SRGAP3: variants seen among roughly 807,000 people sequenced by gnomAD.
The protein encoded by SRGAP3 is SLIT-ROBO Rho GTPase activating protein 3.
A neutral mutation model predicts 121.1 loss-of-function variants in SRGAP3; 39 were observed. The observed-to-expected ratio is 0.32, with a 90% CI of 0.25 to 0.42. The LOEUF (loss-of-function observed/expected upper bound fraction) is 0.42, where lower values mean the gene tolerates loss of function less well. Among genes scored for constraint, SRGAP3 ranks in the 10% least tolerant of loss-of-function variants. The pLI, the probability that SRGAP3 is intolerant of heterozygous loss-of-function variation, is 1.00. For synonymous variants in SRGAP3, 601 were observed against 570.0 expected, an observed-to-expected ratio of 1.05 and a Z score of -0.77; for missense variants, 1,213 against 1,470.6, an observed-to-expected ratio of 0.82 and a Z score of 2.86.
intron 1 of SRGAP3, among the ~76,000 whole-genome samples, chr3:9,339,055 A>G (rs777874899): frequency 1.3e-5 from 2 of 152,226 alleles, no homozygotes; most frequent in Non-Finnish European, 2.9e-5. Flanking sequence ...TAGCCCTGAA[A>G]TGACCCATGG....
chr3:9,284,589 A>G (rs1464056699), intron 3 of SRGAP3, among the ~76,000 whole-genome samples: 1 of 152,202 alleles, frequency 6.6e-6, no homozygotes, highest in African/African-American at 2.4e-5. Flanking sequence ...CCAACATTTT[A>G]GAAGGCTGAT....
intron 14 of SRGAP3, among the ~76,000 whole-genome samples, chr3:9,023,987 G>C (rs975479437): frequency 1.3e-5 from 2 of 152,198 alleles, no homozygotes; most frequent in African/African-American, 2.4e-5. Context: ...CTCCACCGCA[G>C]GATGGAATGG....
intron 2 of SRGAP3, among the ~76,000 whole-genome samples, chr3:9,326,675 T>C (rs1955524954): frequency 6.6e-6 from 1 of 151,796 alleles, no homozygotes; most frequent in Admixed American, 6.5e-5. Context: ...CACAGGTAAT[T>C]TGACTTAAGA....
At chr3:9,170,884 A>G (rs1486337497) in intron 1 of SRGAP3, among the ~76,000 whole-genome samples, 1 of 152,188 alleles carries the variant, frequency 6.6e-6, no homozygotes, top group Non-Finnish European at 1.5e-5. Flanking sequence ...TGGGGGAGCC[A>G]TGAAGAGGCC....
chr3:9,243,519 C>G (rs991516934), intron 1 of SRGAP3, among the ~76,000 whole-genome samples: 1 of 151,920 alleles, frequency 6.6e-6, no homozygotes. Flanking sequence ...CCTGTAATCT[C>G]AGCTACTTGG....
At chr3:9,192,939 G>A (rs1002481416) in intron 1 of SRGAP3, 4 of 155,092 alleles carry the variant, frequency 2.6e-5, no homozygotes, top group Non-Finnish European at 5.7e-5. Context: ...GGAGCTGAGG[G>A]AGGAGAGCTG....
intron 2 of SRGAP3, among the ~76,000 whole-genome samples, chr3:9,115,517 G>A (rs1466285385): frequency 6.6e-6 from 1 of 152,146 alleles, no homozygotes; most frequent in African/African-American, 2.4e-5. Context: ...GGATTCCAGG[G>A]AATTTGGTGT....
chr3:9,163,131 G>A (rs577839895), intron 1 of SRGAP3, among the ~76,000 whole-genome samples: 33 of 152,282 alleles, frequency 2.2e-4, no homozygotes, highest in African/African-American at 7.5e-4. Context: ...ATGAACAATC[G>A]CTGTTAACAT....
At chr3:9,143,701 C>A (rs1949935325) in intron 1 of SRGAP3, among the ~76,000 whole-genome samples, 1 of 152,094 alleles carries the variant, frequency 6.6e-6, no homozygotes, top group Admixed American at 6.5e-5. Context: ...ACAGCACCCT[C>A]CCCCATAGGA....
intron 1 of SRGAP3, among the ~76,000 whole-genome samples, chr3:9,358,875 T>A (rs1161792139): frequency 2.0e-5 from 3 of 152,158 alleles, no homozygotes; most frequent in African/African-American, 7.2e-5. Context: ...CAGAGGGCCC[T>A]TGGCCCTCTG....
intron 1 of SRGAP3, among the ~76,000 whole-genome samples, chr3:9,130,869 C>G (rs114445789): frequency 6.6e-6 from 1 of 152,238 alleles, no homozygotes. Context: ...TAAATCACAT[C>G]GTGATGACAG....
intron 18 of SRGAP3, among the ~76,000 whole-genome samples, chr3:9,001,005 T>C (rs1217356229): frequency 6.6e-6 from 1 of 152,158 alleles, no homozygotes; most frequent in African/African-American, 2.4e-5. Context: ...ATAAGATGTA[T>C]ATGGTAAACC....
At chr3:9,301,483 C>T (rs1203168414) in intron 3 of SRGAP3, among the ~76,000 whole-genome samples, 4 of 152,224 alleles carry the variant, frequency 2.6e-5, no homozygotes, top group Admixed American at 6.5e-5. Context: ...TGCAGGGGAG[C>T]AGGGAGACAT....
At chr3:9,108,178 C>T (rs1178972592) in intron 2 of SRGAP3, among the ~76,000 whole-genome samples, 2 of 152,130 alleles carry the variant, frequency 1.3e-5, no homozygotes, top group South Asian at 4.1e-4. Flanking sequence ...TCAACCTGTC[C>T]TGTACACTAG....
chr3:9,070,962 C>T (rs79573575), intron 4 of SRGAP3, among the ~76,000 whole-genome samples: 1,779 of 152,128 alleles, frequency 0.012, 34 homozygotes, highest in African/African-American at 0.037. Context: ...GAAGGCTTCC[C>T]GGAGGAAGTG....
chr3:9,356,708 AT>A (rs1559291296), intron 1 of SRGAP3, among the ~76,000 whole-genome samples: 1 of 151,532 alleles, frequency 6.6e-6, no homozygotes, highest in African/African-American at 2.4e-5. Context: ...AGGTTTTGCC[AT>A]GTTGCCCAGG....
chr3:9,253,462 G>C (rs1428373735), upstream of SRGAP3, among the ~76,000 whole-genome samples: 1 of 152,172 alleles, frequency 6.6e-6, no homozygotes, highest in East Asian at 1.9e-4. Context: ...AAAACTCACT[G>C]AACCGGTTTC....
upstream of SRGAP3, among the ~76,000 whole-genome samples, chr3:9,253,623 G>A (rs1954064308): frequency 6.6e-6 from 1 of 152,182 alleles, no homozygotes; most frequent in Non-Finnish European, 1.5e-5. Context: ...GTTGCTACCA[G>A]CAAATACATC....
chr3:9,349,165 G>A, intron 1 of SRGAP3: 1 of 741,756 alleles, frequency 1.3e-6, no homozygotes, highest in Non-Finnish European at 2.5e-6. Flanking sequence ...TGGAAGCTGT[G>A]GCTGCCCAGG....
Sources: gnomAD v4.1 joint callset for allele counts (sites outside exome capture counted in the v4.1 genomes callset) on GRCh38, gnomAD v4.1.1 for gene constraint, MANE v1.5 for transcripts, NCBI Gene and HGNC (gene_info 2026-07-23, HGNC 2026-07-21) for gene names.